The following TEX36 variants were observed in gnomAD, a reference collection of about 807,000 sequenced individuals.
TEX36 encodes the protein testis expressed 36.
In TEX36, 12 loss-of-function variants were observed where a neutral mutation model predicts 13.6. That is an observed-to-expected ratio of 0.88 (90% CI 0.56 to 1.43). TEX36 has a LOEUF of 1.43. TEX36 is among the 40% of genes most tolerant of loss of function. The probability of loss-of-function intolerance (pLI) is 0.00; values close to 1 mark genes in which losing one functional copy is unlikely to be tolerated. For missense variants in TEX36, 224 were observed against 228.3 expected (o/e 0.98, Z 0.12); for synonymous variants, 93 against 83.0 (o/e 1.12, Z -0.65).
intron 3 of TEX36, among the ~76,000 whole-genome samples, chr10:125,609,854 G>A (rs1019627788): frequency 6.6e-6 from 1 of 152,176 alleles, no homozygotes; most frequent in Non-Finnish European, 1.5e-5. Context: ...TTTGTCTGTA[G>A]TGAGATATGA....
chr10:125,612,521 A>G (rs1846303541), intron 3 of TEX36, among the ~76,000 whole-genome samples: 1 of 152,182 alleles, frequency 6.6e-6, no homozygotes, highest in East Asian at 1.9e-4. Context: ...TTACATATGT[A>G]TGTATATATA....
At chr10:125,589,348 T>C (rs1195372156) in intron 3 of TEX36, among the ~76,000 whole-genome samples, 3 of 152,244 alleles carry the variant, frequency 2.0e-5, no homozygotes, top group Non-Finnish European at 4.4e-5. Context: ...ATCTTTTTTC[T>C]GTGTATTTTT....
chr10:125,674,174 T>C (rs773747193), intron 1 of TEX36, among the ~76,000 whole-genome samples: 3 of 152,222 alleles, frequency 2.0e-5, no homozygotes, highest in African/African-American at 7.2e-5. Context: ...AAGACAGTCT[T>C]CAAGCTCTGA....
At chr10:125,616,145 TTTA>T (rs1274133653) in intron 3 of TEX36, among the ~76,000 whole-genome samples, 1 of 152,226 alleles carries the variant, frequency 6.6e-6, no homozygotes, top group Non-Finnish European at 1.5e-5. Context: ...TTTACCATTT[TTTA>T]TTGAGTCTAT....
At chr10:125,635,215 G>A (rs1481379339) in intron 3 of TEX36, among the ~76,000 whole-genome samples, 3 of 152,152 alleles carry the variant, frequency 2.0e-5, no homozygotes, top group Admixed American at 6.5e-5. Flanking sequence ...TAGGAGAAGG[G>A]ATCCAGAAAG....
chr10:125,592,688 G>C (rs188409714), intron 3 of TEX36, among the ~76,000 whole-genome samples: 10 of 152,160 alleles, frequency 6.6e-5, no homozygotes, highest in Non-Finnish European at 1.2e-4. Context: ...TCCCATATGA[G>C]AGACCAGTCC....
chr10:125,655,909 C>T lies in TEX36; in HGVS notation c.552G>A (p.Leu184=), dbSNP rs1288768167. 1.3e-6 allele frequency: 2 copies of T among 1,521,870 alleles called. No individual in the cohort carries two copies. The highest frequency in any genetic ancestry group is 2.2e-5 in the Admixed American group (1 of 46,212). The allele number at this position is 1,521,870 out of a possible 1,614,324, so 94.3% of individuals were successfully genotyped here. The change falls in exon 4 of 4, where the codon CTG becomes CTA. Residue 184 remains leucine, a synonymous_variant. Transcript: ENST00000368821. ...FTVDKKVVSS[L]ES Reference sequence around the variant, plus strand: ...AAATCTTCTGGGAGGATTAGGACTCCAGTGAAGAAACAACCTTTTTGTCAA... The same window carrying T: ...AAATCTTCTGGGAGGATTAGGACTCTAGTGAAGAAACAACCTTTTTGTCAA...
intron 3 of TEX36, among the ~76,000 whole-genome samples, chr10:125,591,776 C>G (rs894074691): frequency 6.6e-6 from 1 of 152,156 alleles, no homozygotes; most frequent in Non-Finnish European, 1.5e-5. Context: ...TTAGCAGATG[C>G]GTTCATGACG....
chr10:125,669,513 T>C (rs191435099), intron 1 of TEX36, among the ~76,000 whole-genome samples: 4 of 152,088 alleles, frequency 2.6e-5, no homozygotes, highest in African/African-American at 9.6e-5. Flanking sequence ...CGGCTTTTGC[T>C]GTATCCCAAA....
chr10:125,666,585 T>C (rs1589783584), intron 1 of TEX36, among the ~76,000 whole-genome samples: 1 of 152,234 alleles, frequency 6.6e-6, no homozygotes, highest in East Asian at 1.9e-4. Context: ...TGATGTGCTG[T>C]TGCATTTAGT....
At chr10:125,657,848 CT>C (rs1846972852) in intron 3 of TEX36, among the ~76,000 whole-genome samples, 1 of 152,198 alleles carries the variant, frequency 6.6e-6, no homozygotes, top group African/African-American at 2.4e-5. Context: ...TTACCTTATT[CT>C]TGGGGAAAAG....
downstream of TEX36, among the ~76,000 whole-genome samples, chr10:125,617,599 A>T (rs971349667): frequency 8.5e-5 from 13 of 152,200 alleles, no homozygotes; most frequent in African/African-American, 3.1e-4. Context: ...TTCTTTAAGA[A>T]TGTTGAATAT....
chr10:125,584,830 G>A lies in TEX36; in HGVS notation c.265-7956C>T, dbSNP rs192369974. The stretch of plus-strand genomic sequence containing the variant: ...ATGTGAGAAAATACATTTCTGTCAC[G>A]TAGTTCATCCATCCTGTAGTATTTT... On this transcript the variant is annotated intron_variant, in intron 3 of 3. Transcript: ENST00000532135. 2.7e-3 allele frequency among the ~76,000 whole-genome samples: 406 copies of A among 152,290 alleles called. 4 individuals carry two copies. The highest frequency in any genetic ancestry group is 3.3e-3 in the African/African-American group (137 of 41,556).
At chr10:125,660,116 G>C (rs1380478316) in intron 3 of TEX36, among the ~76,000 whole-genome samples, 2 of 152,082 alleles carry the variant, frequency 1.3e-5, no homozygotes, top group African/African-American at 4.8e-5. Context: ...GAATTATTGG[G>C]CTAAATAAAT....
At chr10:125,590,153 C>A (rs1565168374) in intron 3 of TEX36, among the ~76,000 whole-genome samples, 1 of 150,988 alleles carries the variant, frequency 6.6e-6, no homozygotes, top group Non-Finnish European at 1.5e-5. Flanking sequence ...CTTGCTCTGT[C>A]GCACAGGCTG....
At chr10:125,638,785 C>T (rs74757508) in intron 3 of TEX36, among the ~76,000 whole-genome samples, 2,835 of 152,302 alleles carry the variant, frequency 0.019, 99 homozygotes, top group African/African-American at 0.065. Flanking sequence ...GTCCTGGGCC[C>T]GTGTGCAGGT....
chr10:125,659,863 T>C (rs555112466), intron 3 of TEX36, among the ~76,000 whole-genome samples: 214 of 152,340 alleles, frequency 1.4e-3, no homozygotes, highest in African/African-American at 3.8e-3. Context: ...ACTTTCAGGT[T>C]CCATGAGGAT....
intron 3 of TEX36, among the ~76,000 whole-genome samples, chr10:125,597,126 C>T (rs1215980477): frequency 1.3e-5 from 2 of 152,194 alleles, no homozygotes; most frequent in Non-Finnish European, 2.9e-5. Flanking sequence ...ACTTCACCAT[C>T]GCTTAGAGCT....
chr10:125,609,947 C>T (rs1846270076), intron 3 of TEX36, among the ~76,000 whole-genome samples: 1 of 152,170 alleles, frequency 6.6e-6, no homozygotes, highest in Non-Finnish European at 1.5e-5. Context: ...CTGGACAAAA[C>T]CTGCCAAAAC....
Sources: gnomAD v4.1 joint callset for allele counts (sites outside exome capture counted in the v4.1 genomes callset) on GRCh38, gnomAD v4.1.1 for gene constraint, MANE v1.5 for transcripts, NCBI Gene and HGNC (gene_info 2026-07-23, HGNC 2026-07-21) for gene names.